Variants in CAMTA1 observed in about 807,000 individuals in gnomAD.
The protein encoded by CAMTA1 is calmodulin binding transcription activator 1.
Under a neutral mutation model 170.9 loss-of-function variants are expected in CAMTA1, and 27 were observed. That is an observed-to-expected ratio of 0.16 (90% CI 0.12 to 0.22). CAMTA1 has a LOEUF of 0.22. Among genes scored for constraint, CAMTA1 ranks in the 10% least tolerant of loss-of-function variants. The pLI is 1.00. For missense variants in CAMTA1, 1,619 were observed against 2,217.2 expected (o/e 0.73, Z 5.42); for synonymous variants, 833 against 891.5 (o/e 0.93, Z 1.17).
intron 5 of CAMTA1, among the ~76,000 whole-genome samples, chr1:7,355,842 G>GC (rs59539164): frequency 1 from 152,373 of 152,374 alleles, 76,186 homozygotes; most frequent in Middle Eastern, 1. Context: ...TCTTGGCGTT[G>GC]CACATCTGTT....
At chr1:7,354,602 T>TGG (rs2084957354) in intron 5 of CAMTA1, among the ~76,000 whole-genome samples, 1 of 152,262 alleles carries the variant, frequency 6.6e-6, no homozygotes, top group Non-Finnish European at 1.5e-5. Flanking sequence ...ACTGCTGAGT[T>TGG]GAATGGTAGT....
At chr1:7,653,346 C>T (rs929582033) in intron 7 of CAMTA1, among the ~76,000 whole-genome samples, 4 of 152,294 alleles carry the variant, frequency 2.6e-5, no homozygotes, top group East Asian at 1.9e-4. Context: ...ACTGTAGCCT[C>T]GACCTCCCTG....
intron 5 of CAMTA1, among the ~76,000 whole-genome samples, chr1:7,257,729 A>C (rs1667632215): frequency 6.6e-6 from 1 of 152,310 alleles, no homozygotes; most frequent in Middle Eastern, 3.4e-3. Context: ...TTTTAGTACA[A>C]GTATGTCTAT....
At position 7,736,517 on chromosome 1, in the gene CAMTA1, A is replaced by C. The variant is rs2096773571; in HGVS notation, c.3240A>C (p.Leu1080=). The C allele has an allele frequency of 1.9e-6, 3 of 1,614,004 alleles. No homozygotes were observed. Among genetic ancestry groups the C allele is most frequent in the Non-Finnish European group, 2.5e-6 (3 of 1,180,024 alleles). Residue 1080 remains leucine, a synonymous_variant, in exon 13 of 23, where the codon CTA becomes CTC. Transcript: ENST00000303635. The surrounding 1 kb of genome is among the most constrained non-coding windows in gnomAD (Gnocchi z 4.5). ...HLAAAQGYAT[L]IQTLIKWRTK... ...CCGCTGCCCAGGGCTATGCCACCCT[A>C]ATCCAGACCCTCATCAAATGGCGGT...
chr1:7,436,915 AAGTGGGGCACATTCTG>A (rs1440424993), intron 5 of CAMTA1, among the ~76,000 whole-genome samples: 2 of 152,042 alleles, frequency 1.3e-5, no homozygotes, highest in Non-Finnish European at 2.9e-5. Flanking sequence ...CCGGGTACCA[AAGTGGGGCACATTCTG>A]AGCTGTGGGC....
At chr1:7,715,065 A>ATCTGCTATTT (rs1293931003) in intron 11 of CAMTA1, among the ~76,000 whole-genome samples, 11 of 152,154 alleles carry the variant, frequency 7.2e-5, no homozygotes, top group African/African-American at 2.7e-4. Context: ...TAACATCATG[A>ATCTGCTATTT]GTCCTGATTT....
At chr1:7,756,261 C>A (rs1466564051) in intron 22 of CAMTA1, among the ~76,000 whole-genome samples, 2 of 152,086 alleles carry the variant, frequency 1.3e-5, no homozygotes, top group African/African-American at 4.8e-5. Flanking sequence ...CCTTTCAGAA[C>A]AAACCCAGGA....
Position 6,785,467 on chromosome 1 carries a change from C to T in CAMTA1, c.-64C>T. On this transcript the variant is annotated 5_prime_UTR_variant, in exon 1 of 23. Coordinates refer to ENST00000303635, the MANE Select transcript of CAMTA1 (RefSeq NM_015215.4). ...CGGGTGCGCGGCGGCGGCGGGGTGG[C>T]TGGGCCGGCGGCGGCGGCGGTACGA... is the stretch of plus-strand genomic sequence containing the variant. 1 of 995,478 alleles carries T rather than the reference C, an allele frequency of 1.0e-6. No individual in the cohort carries two copies. Among genetic ancestry groups the T allele is most frequent in the South Asian group, 4.6e-5 (1 of 21,834 alleles). 61.7% of individuals were successfully genotyped at this position (995,478 alleles called of 1,614,324 possible). A position where few individuals can be genotyped will look rare whatever the true frequency, so the allele number is the denominator to read the frequency against.
chr1:7,360,182 T>TTA (rs1273113834), intron 5 of CAMTA1, among the ~76,000 whole-genome samples: 1 of 152,236 alleles, frequency 6.6e-6, no homozygotes, highest in Non-Finnish European at 1.5e-5. Flanking sequence ...GATTACCTCT[T>TTA]TAAAGACTGT....
intron 6 of CAMTA1, among the ~76,000 whole-genome samples, chr1:7,620,043 G>C (rs774773088): frequency 1.3e-5 from 2 of 152,148 alleles, no homozygotes; most frequent in African/African-American, 4.8e-5. Context: ...GAATAGACCA[G>C]AACTAGACCC....
At position 7,677,791 on chromosome 1, in the gene CAMTA1, C is replaced by T. The variant is rs1358873745; in HGVS notation, c.2914+58C>T. 5 of 1,564,532 alleles carry T rather than the reference C, an allele frequency of 3.2e-6. No individual in the cohort carries two copies. In the East Asian group the frequency reaches 1.1e-4, roughly 36 times the overall value. On this transcript the variant is annotated intron_variant, in intron 11 of 22. Coordinates refer to ENST00000303635, the MANE Select transcript of CAMTA1 (RefSeq NM_015215.4). ...ACCAAGGGAGAGGGATGCTTGGGGA[C>T]TCTTGCACAAGGTGTGAAAGAAGAG...
chr1:7,715,508 C>G (rs2096602855), intron 11 of CAMTA1, among the ~76,000 whole-genome samples: 1 of 151,628 alleles, frequency 6.6e-6, no homozygotes, highest in African/African-American at 2.4e-5. Flanking sequence ...TCATGGCTCA[C>G]TGCAGCCTTG....
intron 6 of CAMTA1, among the ~76,000 whole-genome samples, chr1:7,516,160 A>G (rs2094283308): frequency 6.6e-6 from 1 of 152,216 alleles, no homozygotes; most frequent in African/African-American, 2.4e-5. Context: ...CGCTTAACAC[A>G]GAGTCGTGGG....
At chr1:7,405,847 C>T (rs1424519340) in intron 5 of CAMTA1, among the ~76,000 whole-genome samples, 1 of 151,858 alleles carries the variant, frequency 6.6e-6, no homozygotes, top group Non-Finnish European at 1.5e-5. Context: ...GAAAGAGTAA[C>T]TAACTAGGTG....
chr1:6,973,784 G>A (rs1692943765), intron 3 of CAMTA1, among the ~76,000 whole-genome samples: 1 of 152,186 alleles, frequency 6.6e-6, no homozygotes, highest in Non-Finnish European at 1.5e-5. Context: ...TTGGTCCCAT[G>A]GCTGTTCATG....
chr1:7,519,870 C>A (rs2094337380), intron 6 of CAMTA1, among the ~76,000 whole-genome samples: 1 of 151,598 alleles, frequency 6.6e-6, no homozygotes, highest in African/African-American at 2.4e-5. Context: ...ATCTGCACAG[C>A]CACCACCCTC....
At chr1:7,739,273 G>A (rs1354607740) in intron 16 of CAMTA1, among the ~76,000 whole-genome samples, 2 of 152,208 alleles carry the variant, frequency 1.3e-5, no homozygotes, top group East Asian at 3.9e-4. Context: ...GATACAAGGA[G>A]AGGGAGGTGT....
At chr1:6,894,327 G>T (rs1332248397) in intron 3 of CAMTA1, among the ~76,000 whole-genome samples, 4 of 152,154 alleles carry the variant, frequency 2.6e-5, no homozygotes, top group Non-Finnish European at 4.4e-5. Flanking sequence ...AAATAGCATG[G>T]AATAAAATTT....
chr1:7,609,017 G>C lies in CAMTA1; in HGVS notation c.511-31383G>C, dbSNP rs1035925277. Among the ~76,000 whole-genome samples the C allele has an allele frequency of 6.6e-6, 1 of 152,130 alleles. No individual in the cohort carries two copies. Among genetic ancestry groups the C allele is most frequent in the African/African-American group, 2.4e-5 (1 of 41,450 alleles). ...GTCTGGCTAGGAGGCCTGCGTTGTG[G>C]ATTGGAAAGGAGTCTCCTGATGCAG... On this transcript the variant is annotated intron_variant, in intron 6 of 22. Transcript: ENST00000303635. This position sits in a 1 kb window ranked among gnomAD's most constrained non-coding sequence, Gnocchi z 4.4.
Sources: allele counts gnomAD v4.1 joint callset (sites outside exome capture counted in the v4.1 genomes callset), GRCh38; gene constraint gnomAD v4.1.1; non-coding constraint Gnocchi (gnomAD v3.1); transcripts MANE v1.5; gene names NCBI Gene and HGNC (gene_info 2026-07-23, HGNC 2026-07-21).